EIF2A: variants seen among roughly 807,000 people sequenced by gnomAD.
The protein encoded by EIF2A is eukaryotic translation initiation factor 2A.
Under a neutral mutation model 75.2 loss-of-function variants are expected in EIF2A, and 62 were observed. The ratio of observed to expected loss-of-function variants is 0.82; its 90% confidence interval spans 0.67 to 1.02. The LOEUF is 1.02. EIF2A is among the 50% of genes least tolerant of loss of function. The probability of loss-of-function intolerance (pLI) is 0.00; values close to 1 mark genes in which losing one functional copy is unlikely to be tolerated. For synonymous variants in EIF2A, 207 were observed against 239.0 expected (o/e 0.87, Z 1.23); for missense variants, 611 against 677.7 (o/e 0.90, Z 1.09).
At chr3:150,562,045 G>GACTGC (rs1723900574) in intron 3 of EIF2A, among the ~76,000 whole-genome samples, 1 of 151,804 alleles carries the variant, frequency 6.6e-6, no homozygotes. Flanking sequence ...AGGTGTGAGC[G>GACTGC]ACTGCACCTG....
chr3:150,571,856 ATC>A (rs1231125812), intron 9 of EIF2A, 100 bp from the exon 10 acceptor site: 50 of 1,029,602 alleles, frequency 4.9e-5, no homozygotes, highest in Non-Finnish European at 6.2e-5. Context: ...AAATTTTTTT[ATC>A]TGTTTGATGT....
At chr3:150,547,596 T>C (rs954068) in intron 1 of EIF2A, among the ~76,000 whole-genome samples, 122,644 of 152,106 alleles carry the variant, frequency 0.81, 50,287 homozygotes, top group East Asian at 0.91. Flanking sequence ...GAAAAGAAGG[T>C]TTTGGTTAAG....
chr3:150,563,723 A>C (rs1559878698), intron 5 of EIF2A, 109 bp downstream of exon 5: 1 of 905,398 alleles, frequency 1.1e-6, no homozygotes, highest in East Asian at 3.0e-5. Context: ...ATCAGACAAA[A>C]ATCTACATTT....
At chr3:150,571,852 T>G in intron 9 of EIF2A, 106 bp from the exon 10 acceptor site, 2 of 994,962 alleles carry the variant, frequency 2.0e-6, no homozygotes, top group Non-Finnish European at 2.9e-6. Flanking sequence ...CTTGAAATTT[T>G]TTTATCTGTT....
At chr3:150,564,264 AT>A (rs1292766901) in intron 5 of EIF2A, 34 bp from the exon 6 acceptor site, 2 of 1,460,224 alleles carry the variant, frequency 1.4e-6, no homozygotes, top group African/African-American at 2.9e-5. Context: ...CTGTCTGAAT[AT>A]TTTTTATACT....
rs1324134565 is a variant in EIF2A, at chr3:150,572,446, G to C, written c.1300G>C (p.Glu434Gln). The C allele has an allele frequency of 1.9e-6, 3 of 1,613,994 alleles. No individual in the cohort carries two copies. Among genetic ancestry groups the C allele is most frequent in the East Asian group, 4.5e-5 (2 of 44,880 alleles). Reference sequence around the variant, plus strand: ...AATAACTTACCAAGCAGTTCCAAGTGAAGTACCCAATGAGGAACCTAAAGT... The same window carrying C: ...AATAACTTACCAAGCAGTTCCAAGTCAAGTACCCAATGAGGAACCTAAAGT... ...KTITYQAVPSEVPNEEPKVAT... is the reference protein window; with the variant it reads ...KTITYQAVPSQVPNEEPKVAT... The change falls in exon 10 of 14, where the codon GAA (glutamate) becomes CAA (glutamine). Residue 434 changes from glutamate to glutamine, a missense_variant. Physicochemically the swap from Glu to Gln is conservative, Grantham distance 29. Transcript: ENST00000460851.
rs1723358642 is a variant in EIF2A, at chr3:150,552,363, A to C, written c.36A>C (p.Gly12=). ...APSTPLLTVR[G]SEGLYMVNGP... ...TTTATTTTACTTCTTTAGTCCGAGG[A>C]TCAGAAGGACTGTACATGGTGAATG... Residue 12 remains glycine, a synonymous_variant, in exon 2 of 14, where the codon GGA becomes GGC. Coordinates refer to ENST00000460851, the MANE Select transcript of EIF2A (RefSeq NM_032025.5). 6.4e-7 allele frequency: 1 copy of C among 1,551,528 alleles called. No individual in the cohort carries two copies. The highest frequency in any genetic ancestry group is 1.4e-5 in the African/African-American group (1 of 73,048).
intron 3 of EIF2A, 64 bp downstream of exon 3, chr3:150,558,526 G>C (rs1723690539): frequency 1.5e-6 from 2 of 1,309,378 alleles, no homozygotes; most frequent in Non-Finnish European, 2.0e-6. Context: ...GGCATTATTT[G>C]AATAACAGAT....
At chr3:150,568,345 C>A in intron 9 of EIF2A, 53 bp downstream of exon 9, 2 of 1,367,362 alleles carry the variant, frequency 1.5e-6, no homozygotes, top group Non-Finnish European at 2.0e-6. Flanking sequence ...GTAAAAAATA[C>A]TATGCCATAA....
chr3:150,580,880 C>T (rs938024093), intron 11 of EIF2A, among the ~76,000 whole-genome samples: 2 of 152,184 alleles, frequency 1.3e-5, no homozygotes, highest in Non-Finnish European at 2.9e-5. Context: ...GAATGATTCT[C>T]GTTCTAGGCA....
intron 1 of EIF2A, among the ~76,000 whole-genome samples, chr3:150,549,104 C>G (rs1723191187): frequency 6.7e-6 from 1 of 149,072 alleles, no homozygotes; most frequent in Admixed American, 6.8e-5. Context: ...AGTGACAAGC[C>G]AAAGCAGGTG....
intron 12 of EIF2A, 135 bp downstream of exon 12, chr3:150,581,881 T>C: frequency 9.7e-7 from 1 of 1,026,696 alleles, no homozygotes; most frequent in Non-Finnish European, 1.4e-6. Flanking sequence ...TTTCTCACTA[T>C]GAAGCACTGT....
Position 150,571,008 on chromosome 3 carries a change from T to C in EIF2A, c.812-950T>C, listed in dbSNP as rs550530828. ...TTGAACCTGGGAGGCAGAGGTTGCA[T>C]TGAGCCGAGACCGTGCCACTAAACT... is the stretch of plus-strand genomic sequence containing the variant. On this transcript the variant is annotated intron_variant, in intron 9 of 13. Transcript: ENST00000460851. Among the ~76,000 whole-genome samples, 7 of 151,154 alleles carry C rather than the reference T, an allele frequency of 4.6e-5. No individual in the cohort carries two copies. The East Asian group carries it at 9.9e-4, about 21-fold the overall frequency.
intron 3 of EIF2A, among the ~76,000 whole-genome samples, chr3:150,561,606 T>C (rs1189801444): frequency 6.6e-6 from 1 of 151,866 alleles, no homozygotes; most frequent in East Asian, 1.9e-4. Context: ...AAGTATACTT[T>C]TGCCATTTTC....
At chr3:150,579,212 CCCT>C (rs1725041320) in intron 11 of EIF2A, among the ~76,000 whole-genome samples, 2 of 151,890 alleles carry the variant, frequency 1.3e-5, no homozygotes, top group Non-Finnish European at 2.9e-5. Context: ...GCAGAATATC[CCCT>C]CTTCTTTTAT....
intron 2 of EIF2A, 36 bp downstream of exon 2, chr3:150,552,461 C>G (rs904655459): frequency 6.7e-7 from 1 of 1,503,368 alleles, no homozygotes; most frequent in African/African-American, 1.4e-5. Context: ...TTATAGGGAA[C>G]ATACAGTACA....
chr3:150,559,163 T>C (rs1723719380), intron 3 of EIF2A, among the ~76,000 whole-genome samples: 1 of 152,204 alleles, frequency 6.6e-6, no homozygotes, highest in Non-Finnish European at 1.5e-5. Context: ...CTGCATGCAT[T>C]AGTTTGAAAA....
chr3:150,556,218 G>A (rs971145120), intron 2 of EIF2A, among the ~76,000 whole-genome samples: 2 of 152,200 alleles, frequency 1.3e-5, no homozygotes, highest in African/African-American at 4.8e-5. Context: ...ACTGAATCCA[G>A]TACAATCTCA....
intron 2 of EIF2A, among the ~76,000 whole-genome samples, chr3:150,556,062 G>A (rs776596408): frequency 9.9e-5 from 15 of 152,182 alleles, no homozygotes; most frequent in Admixed American, 6.5e-4. Flanking sequence ...ATGTGCTGCC[G>A]CAGTGCATGG....
Sources: allele counts gnomAD v4.1 joint callset (sites outside exome capture counted in the v4.1 genomes callset), GRCh38; gene constraint gnomAD v4.1.1; transcripts MANE v1.5; gene names NCBI Gene and HGNC (gene_info 2026-07-23, HGNC 2026-07-21).